The following DNAJC13 variants were observed in gnomAD, a reference collection of about 807,000 sequenced individuals.
DNAJC13 encodes dnaJ homolog subfamily C member 13.
DNAJC13 carries 75 observed loss-of-function variants against 290.5 expected under a neutral mutation model. That is an observed-to-expected ratio of 0.26 (90% CI 0.21 to 0.31). The LOEUF is 0.31. DNAJC13 is among the 10% of genes least tolerant of loss of function. DNAJC13 has a pLI of 1.00. For missense variants in DNAJC13, 2,260 were observed against 2,674.5 expected, an observed-to-expected ratio of 0.85 and a Z score of 3.42; for synonymous variants, 862 against 892.0, an observed-to-expected ratio of 0.97 and a Z score of 0.60.
intron 29 of DNAJC13, among the ~76,000 whole-genome samples, chr3:132,486,082 C>CTTTTTTTT (rs758049804): frequency 2.5e-5 from 1 of 40,520 alleles, no homozygotes; most frequent in African/African-American, 1.1e-4. Flanking sequence ...ATGCCCTATC[C>CTTTTTTTT]TTTTTTTTTT....
At chr3:132,500,521 TA>T (rs1935374673) in intron 38 of DNAJC13, among the ~76,000 whole-genome samples, 1 of 152,218 alleles carries the variant, frequency 6.6e-6, no homozygotes, top group Non-Finnish European at 1.5e-5. Flanking sequence ...TTTAAAAATC[TA>T]AAAACCATTC....
chr3:132,482,299 A>G lies in DNAJC13; in HGVS notation c.2948A>G (p.Lys983Arg), dbSNP rs762459568. The G allele has an allele frequency of 1.2e-6, 2 of 1,613,704 alleles. No individual in the cohort carries two copies. Among genetic ancestry groups the G allele is most frequent in the Admixed American group, 3.3e-5 (2 of 59,990 alleles). ...EKEWYFGNAD[K>R]ERSGPYGFHE... The stretch of plus-strand genomic sequence containing the variant: ...GAATGGTATTTTGGCAACGCAGACA[A>G]AGAAAGGAGTGGCCCGTATGGATTT... The change falls in exon 27 of 56, where the codon AAA (lysine) becomes AGA (arginine). Residue 983 changes from lysine to arginine, a missense_variant. Physicochemically the swap from Lys to Arg is conservative, Grantham distance 26. Coordinates refer to ENST00000260818, the MANE Select transcript of DNAJC13 (RefSeq NM_015268.4).
At chr3:132,497,869 T>A (rs918388346) in intron 36 of DNAJC13, among the ~76,000 whole-genome samples, 5 of 151,946 alleles carry the variant, frequency 3.3e-5, no homozygotes, top group Admixed American at 2.6e-4. Context: ...TTTTTTTTTT[T>A]AAAGGAAAAT....
rs573857472 is a variant in DNAJC13, at chr3:132,506,045, CTTTTTTT to C, written c.4998+647_4998+653del. Among the ~76,000 whole-genome samples, 18 of 72,676 alleles carry C rather than the reference CTTTTTTT, an allele frequency of 2.5e-4. 1 individual carries two copies. Among genetic ancestry groups the C allele is most frequent in the African/African-American group, 5.2e-4 (12 of 23,104 alleles). 47.7% of individuals were successfully genotyped at this position (72,676 alleles called of 152,430 possible). A position where few individuals can be genotyped will look rare whatever the true frequency, so the allele number is the denominator to read the frequency against. On this transcript the variant is annotated intron_variant, in intron 42 of 55. Coordinates refer to ENST00000260818, the MANE Select transcript of DNAJC13 (RefSeq NM_015268.4). Reference sequence around the variant, plus strand: ...CGGGTCTTACATGTCTGTACATTATCTTTTTTTTTTTTTTTTTTTTTTTGAGATGGAA... The same window carrying C: ...CGGGTCTTACATGTCTGTACATTATCTTTTTTTTTTTTTTTTGAGATGGAA...
intron 51 of DNAJC13, among the ~76,000 whole-genome samples, chr3:132,524,264 T>C (rs1469813575): frequency 6.6e-6 from 1 of 152,240 alleles, no homozygotes; most frequent in Non-Finnish European, 1.5e-5. Flanking sequence ...ATTTTGTTTT[T>C]CAAAGTCTTT....
intron 50 of DNAJC13, among the ~76,000 whole-genome samples, 165 bp from the exon 51 acceptor site, chr3:132,523,374 AG>A (rs1366294811): frequency 6.6e-6 from 1 of 152,230 alleles, no homozygotes; most frequent in Non-Finnish European, 1.5e-5. Flanking sequence ...GAAGTTAGTA[AG>A]GGCACCCTTT....
chr3:132,510,480 C>T (rs1388745583), intron 43 of DNAJC13, among the ~76,000 whole-genome samples: 1 of 152,096 alleles, frequency 6.6e-6, no homozygotes, highest in African/African-American at 2.4e-5. Context: ...GTCTCAGCCT[C>T]CCAAGTAACT....
intron 2 of DNAJC13, among the ~76,000 whole-genome samples, chr3:132,443,113 G>A (rs1325866361): frequency 1.3e-5 from 2 of 152,170 alleles, no homozygotes; most frequent in African/African-American, 4.8e-5. Flanking sequence ...TGGAGTCTTT[G>A]TCTCTTCTTT....
intron 40 of DNAJC13, 135 bp from the exon 41 acceptor site, chr3:132,503,079 G>A (rs1388085236): frequency 4.8e-6 from 4 of 837,868 alleles, no homozygotes; most frequent in Non-Finnish European, 7.2e-6. Flanking sequence ...CTCAGTGGTA[G>A]GTACTCTTGT....
intron 2 of DNAJC13, among the ~76,000 whole-genome samples, chr3:132,443,553 T>A (rs1412786562): frequency 6.6e-6 from 1 of 152,240 alleles, no homozygotes; most frequent in Non-Finnish European, 1.5e-5. Flanking sequence ...GGGGGCTTTT[T>A]AGAAAATCAT....
Position 132,480,422 on chromosome 3 carries a change from G to T in DNAJC13, c.2826G>T (p.Leu942Phe). ...ATGGAATAAGAATCCTTGTGGACTTGCTTACCCTTGCACATCTCCATGTAA... is the reference window on the plus strand; with the variant it reads ...ATGGAATAAGAATCCTTGTGGACTTTCTTACCCTTGCACATCTCCATGTAA... ...DSNGIRILVD[L>F]LTLAHLHVSR... The change falls in exon 26 of 56, where the codon TTG (leucine) becomes TTT (phenylalanine). Residue 942 changes from leucine (L) to phenylalanine (F), a missense_variant. By Grantham distance (22) the Leu-to-Phe change is conservative (BLOSUM62 0). Transcript: ENST00000260818. 6.2e-7 allele frequency: 1 copy of T among 1,613,594 alleles called. No individual in the cohort carries two copies. The highest frequency in any genetic ancestry group is 8.5e-7 in the Non-Finnish European group (1 of 1,179,680).
intron 29 of DNAJC13, 43 bp from the exon 30 acceptor site, chr3:132,488,255 A>G (rs538586806): frequency 5.9e-6 from 9 of 1,532,926 alleles, no homozygotes; most frequent in Admixed American, 4.0e-5. Context: ...GTGATGATGC[A>G]GGTTTTTTAC....
chr3:132,525,528 T>A, intron 51 of DNAJC13, 82 bp from the exon 52 acceptor site: 1 of 1,439,328 alleles, frequency 6.9e-7, no homozygotes, highest in East Asian at 2.3e-5. Flanking sequence ...ATCCCTAGTT[T>A]TGAACACCAA....
chr3:132,431,733 A>G (rs1217648727), intron 1 of DNAJC13, among the ~76,000 whole-genome samples: 1 of 152,240 alleles, frequency 6.6e-6, no homozygotes, highest in Non-Finnish European at 1.5e-5. Context: ...AGGTAGAAAC[A>G]ACACCCGTGT....
intron 2 of DNAJC13, among the ~76,000 whole-genome samples, chr3:132,446,036 C>A (rs552423302): frequency 6.6e-6 from 1 of 151,974 alleles, no homozygotes; most frequent in Non-Finnish European, 1.5e-5. Flanking sequence ...CAGGATATGG[C>A]TGTGACTGAC....
At chr3:132,526,695 A>G (rs1025787951) in intron 53 of DNAJC13, among the ~76,000 whole-genome samples, 3 of 152,228 alleles carry the variant, frequency 2.0e-5, no homozygotes, top group Non-Finnish European at 2.9e-5. Flanking sequence ...TTTGTTTCTT[A>G]AGTCATGTTT....
intron 1 of DNAJC13, among the ~76,000 whole-genome samples, chr3:132,428,413 G>A (rs1412300302): frequency 6.6e-6 from 1 of 152,138 alleles, no homozygotes; most frequent in Admixed American, 6.5e-5. Context: ...ATATTACACT[G>A]CCGGGAAATA....
intron 32 of DNAJC13, 132 bp downstream of exon 32, chr3:132,491,183 C>A: frequency 1.3e-6 from 1 of 787,520 alleles, no homozygotes; most frequent in Non-Finnish European, 1.9e-6. Context: ...TCATTGATGC[C>A]AAATCAAATG....
intron 2 of DNAJC13, among the ~76,000 whole-genome samples, chr3:132,436,108 G>A (rs190364354): frequency 7.9e-5 from 12 of 152,246 alleles, no homozygotes; most frequent in Admixed American, 6.5e-4. Flanking sequence ...GGATTTTAGT[G>A]TATTCATAAA....
Sources: allele counts gnomAD v4.1 joint callset (sites outside exome capture counted in the v4.1 genomes callset), GRCh38; gene constraint gnomAD v4.1.1; transcripts MANE v1.5; gene names NCBI Gene and HGNC (gene_info 2026-07-23, HGNC 2026-07-21).